The following FAM151B variants were observed in gnomAD, a reference collection of about 807,000 sequenced individuals.
FAM151B encodes protein FAM151B.
A neutral mutation model predicts 31.2 loss-of-function variants in FAM151B; 24 were observed. The observed-to-expected ratio is 0.77, with a 90% CI of 0.56 to 1.08. The LOEUF is 1.08. FAM151B is among the 50% of genes least tolerant of loss of function. The pLI is 0.00. For synonymous variants in FAM151B, 105 were observed against 111.4 expected (o/e 0.94, Z 0.36); for missense variants, 293 against 328.6 (o/e 0.89, Z 0.84).
At chr5:80,497,955 T>C (rs190336555) in intron 1 of FAM151B, among the ~76,000 whole-genome samples, 16 of 152,202 alleles carry the variant, frequency 1.1e-4, no homozygotes, top group Admixed American at 5.2e-4. Context: ...AATAAATAAA[T>C]AAAAAGTGCT....
intron 4 of FAM151B, among the ~76,000 whole-genome samples, chr5:80,520,813 G>GTT (rs1327482360): frequency 4.5e-5 from 6 of 132,296 alleles, no homozygotes; most frequent in African/African-American, 1.1e-4. Context: ...TTTCCATGTG[G>GTT]TTTTTTTTTT....
chr5:80,505,011 G>C (rs1196942606), intron 2 of FAM151B, among the ~76,000 whole-genome samples: 1 of 152,190 alleles, frequency 6.6e-6, no homozygotes, highest in Non-Finnish European at 1.5e-5. Context: ...CCCCTGGCGA[G>C]ATAAGCCACA....
At chr5:80,498,705 T>A in intron 1 of FAM151B, 2 of 593,422 alleles carry the variant, frequency 3.4e-6, no homozygotes, top group Admixed American at 4.0e-5. Context: ...CAGCTTCATC[T>A]TCTTTCTCTT....
chr5:80,530,740 C>T (rs1045891628), intron 5 of FAM151B, among the ~76,000 whole-genome samples: 14 of 152,050 alleles, frequency 9.2e-5, no homozygotes, highest in Non-Finnish European at 1.5e-5. Flanking sequence ...TAAAAGAGGA[C>T]ACAAACAAAT....
chr5:80,525,730 AC>A (rs1277793186), intron 5 of FAM151B, among the ~76,000 whole-genome samples: 1 of 152,106 alleles, frequency 6.6e-6, no homozygotes, highest in South Asian at 2.1e-4. Context: ...CAGAAAAAAA[AC>A]ATACACCAGA....
chr5:80,525,409 C>T (rs1362566469), intron 5 of FAM151B, among the ~76,000 whole-genome samples: 2 of 152,168 alleles, frequency 1.3e-5, no homozygotes, highest in Non-Finnish European at 2.9e-5. Flanking sequence ...TGAATCCACT[C>T]TGCAGTAACA....
In FAM151B at chr5:80,538,452, T is replaced by TTCTTTC. The variant is rs1561383574; in HGVS notation, c.672-3219_672-3214dup. On this transcript the variant is annotated intron_variant, in intron 5 of 5. Transcript: ENST00000282226. ...TCTTTCTTTCTTTCTTTCTTTCTCTTTCTTTCTTTCTTTCTTTCTTTCTTT... is the reference window on the plus strand; with the variant it reads ...TCTTTCTTTCTTTCTTTCTTTCTCTTTCTTTCTCTTTCTTTCTTTCTTTCTTTCTTT... Among the ~76,000 whole-genome samples the TTCTTTC allele has an allele frequency of 3.0e-3, 147 of 49,462 alleles. 11 individuals are homozygous for TTCTTTC. Among genetic ancestry groups the TTCTTTC allele is most frequent in the East Asian group, 3.0e-3 (5 of 1,660 alleles). The allele number at this position is 49,462 out of a possible 152,430, so 32.4% of individuals were successfully genotyped here. A position where few individuals can be genotyped will look rare whatever the true frequency, so the allele number is the denominator to read the frequency against.
chr5:80,516,649 G>A (rs745427428), intron 3 of FAM151B, among the ~76,000 whole-genome samples: 5 of 152,056 alleles, frequency 3.3e-5, no homozygotes, highest in Admixed American at 1.3e-4. Context: ...TTTCCTCTTC[G>A]GATGATCATC....
At position 80,499,594 on chromosome 5, in the gene FAM151B, G is replaced by A. The variant is rs116647661; in HGVS notation, c.26-2198G>A. Among the ~76,000 whole-genome samples, 220 of 152,110 alleles carry A rather than the reference G, an allele frequency of 1.4e-3. 1 individual carries two copies. Among genetic ancestry groups the A allele is most frequent in the African/African-American group, 4.3e-3 (180 of 41,522 alleles). ...CAGTTTTCCTTATATTTCTGGACCA[G>A]CATTGTAGAGAACATCATATGAAAT... is the stretch of plus-strand genomic sequence containing the variant. On this transcript the variant is annotated intron_variant, in intron 1 of 5. Coordinates refer to ENST00000282226, the MANE Select transcript of FAM151B (RefSeq NM_205548.3).
At chr5:80,516,496 CAG>C (rs1320438880) in intron 3 of FAM151B, among the ~76,000 whole-genome samples, 1 of 152,086 alleles carries the variant, frequency 6.6e-6, no homozygotes, top group Non-Finnish European at 1.5e-5. Flanking sequence ...AATAGGAAAA[CAG>C]GGTATGATAT....
chr5:80,527,996 A>G (rs548843875), intron 5 of FAM151B, among the ~76,000 whole-genome samples: 1 of 152,216 alleles, frequency 6.6e-6, no homozygotes, highest in African/African-American at 2.4e-5. Flanking sequence ...TTTATATCCT[A>G]TTCTATAAGC....
intron 5 of FAM151B, 78 bp from the exon 6 acceptor site, chr5:80,541,595 A>G: frequency 3.7e-6 from 5 of 1,365,702 alleles, no homozygotes. Context: ...GATAAATGAA[A>G]GCATTTTTAG....
chr5:80,515,029 T>C (rs983284959), intron 3 of FAM151B, among the ~76,000 whole-genome samples: 5 of 151,836 alleles, frequency 3.3e-5, no homozygotes, highest in African/African-American at 1.2e-4. Context: ...CACCTGAGGT[T>C]AGGAGTTTGA....
At position 80,506,419 on chromosome 5, in the gene FAM151B, G is replaced by A. The variant is rs77853755; in HGVS notation, c.151+4502G>A. Among the ~76,000 whole-genome samples the A allele has an allele frequency of 1.6e-3, 247 of 152,292 alleles. 2 individuals are homozygous for A. The highest frequency in any genetic ancestry group is 5.7e-3 in the African/African-American group (235 of 41,564). ...ATAAAGATCACAATAACATCACTGAGCTGCTGATTGTACCACACTTAAAGC... is the reference window on the plus strand; with the variant it reads ...ATAAAGATCACAATAACATCACTGAACTGCTGATTGTACCACACTTAAAGC... On this transcript the variant is annotated intron_variant, in intron 2 of 5. Transcript: ENST00000282226.
chr5:80,505,749 A>T (rs1433085537), intron 2 of FAM151B, among the ~76,000 whole-genome samples: 6 of 77,868 alleles, frequency 7.7e-5, no homozygotes, highest in East Asian at 4.1e-4. Context: ...TCCTATAAGA[A>T]TTTTTTTTTT....
At chr5:80,538,384 C>CTTTCTT (rs1745624060) in intron 5 of FAM151B, among the ~76,000 whole-genome samples, 1 of 43,294 alleles carries the variant, frequency 2.3e-5, no homozygotes, top group Non-Finnish European at 4.2e-5. Flanking sequence ...TTCTTTCTTT[C>CTTTCTT]TTTCTTTCTT....
intron 1 of FAM151B, among the ~76,000 whole-genome samples, chr5:80,496,833 C>T (rs1290462039): frequency 6.7e-4 from 62 of 92,880 alleles, no homozygotes; most frequent in Non-Finnish European, 1.1e-3. Flanking sequence ...TTTTTTGAGA[C>T]GGAGTCTTGC....
At chr5:80,501,140 A>G (rs1743724578) in intron 1 of FAM151B, 1 of 364,886 alleles carries the variant, frequency 2.7e-6, no homozygotes, top group East Asian at 6.2e-5. Context: ...CAGCCTCTGG[A>G]GTAACTGGGA....
At chr5:80,521,430 A>G (rs992057871) in intron 4 of FAM151B, among the ~76,000 whole-genome samples, 6 of 152,024 alleles carry the variant, frequency 3.9e-5, no homozygotes, top group Admixed American at 1.3e-4. Context: ...CTGGCCCACA[A>G]TGTCTTAACA....
Sources: gnomAD v4.1 joint callset for allele counts (sites outside exome capture counted in the v4.1 genomes callset) on GRCh38, gnomAD v4.1.1 for gene constraint, MANE v1.5 for transcripts, NCBI Gene and HGNC (gene_info 2026-07-23, HGNC 2026-07-21) for gene names.